RRAS2: variants seen among roughly 807,000 people sequenced by gnomAD.
The protein encoded by RRAS2 is ras-related protein R-Ras2.
RRAS2 carries 7 observed loss-of-function variants against 27.6 expected under a neutral mutation model. The ratio of observed to expected loss-of-function variants is 0.25; its 90% CI spans 0.14 to 0.48. The LOEUF is 0.48. RRAS2 is among the 20% of genes least tolerant of loss of function. RRAS2 has a pLI of 0.99. For missense variants in RRAS2, 178 were observed against 256.2 expected (o/e 0.69, Z 2.08); for synonymous variants, 86 against 90.9 (o/e 0.95, Z 0.31).
intron 1 of RRAS2, among the ~76,000 whole-genome samples, chr11:14,333,654 CTT>C (rs34065159): frequency 6.9e-6 from 1 of 144,432 alleles, no homozygotes. Flanking sequence ...CACCCTGCCC[CTT>C]TTTTTTTGGA....
chr11:14,331,457 A>G (rs572472537), intron 1 of RRAS2, among the ~76,000 whole-genome samples: 1 of 152,288 alleles, frequency 6.6e-6, no homozygotes, highest in African/African-American at 2.4e-5. Context: ...TTATCCAAAA[A>G]ATTTTAAAAC....
intron 1 of RRAS2, among the ~76,000 whole-genome samples, chr11:14,334,760 T>C (rs1261605325): frequency 2.0e-5 from 3 of 152,096 alleles, no homozygotes; most frequent in African/African-American, 4.8e-5. Flanking sequence ...TCAAATCTCC[T>C]CCAACCTTCT....
At chr11:14,337,884 G>C (rs1170405528) in intron 1 of RRAS2, among the ~76,000 whole-genome samples, 1 of 151,992 alleles carries the variant, frequency 6.6e-6, no homozygotes, top group Non-Finnish European at 1.5e-5. Context: ...TTGCCAGAAG[G>C]GCCACCCTAA....
intron 1 of RRAS2, among the ~76,000 whole-genome samples, chr11:14,307,342 C>CG (rs1372339100): frequency 7.3e-5 from 11 of 151,388 alleles, no homozygotes; most frequent in East Asian, 3.9e-4. Flanking sequence ...CTAAAATGTA[C>CG]GGGGGGAAAT....
At chr11:14,334,087 C>T (rs1183528805) in intron 1 of RRAS2, among the ~76,000 whole-genome samples, 1 of 152,156 alleles carries the variant, frequency 6.6e-6, no homozygotes, top group Non-Finnish European at 1.5e-5. Flanking sequence ...TAGGAAATTA[C>T]TTCATCAGAA....
At chr11:14,351,141 T>A (rs1848941915) in intron 1 of RRAS2, among the ~76,000 whole-genome samples, 1 of 152,088 alleles carries the variant, frequency 6.6e-6, no homozygotes, top group South Asian at 2.1e-4. Context: ...CCCCAAAAAA[T>A]GCATAACCTG....
chr11:14,290,625 T>C (rs1554945708), intron 4 of RRAS2, among the ~76,000 whole-genome samples: 2 of 152,000 alleles, frequency 1.3e-5, no homozygotes, highest in South Asian at 4.2e-4. Context: ...CAAAGGACAC[T>C]GGGGAGGCTG....
intron 1 of RRAS2, among the ~76,000 whole-genome samples, chr11:14,323,313 C>T (rs1591471655): frequency 6.6e-6 from 1 of 151,990 alleles, no homozygotes; most frequent in Middle Eastern, 3.4e-3. Context: ...AAAAACTAGG[C>T]CAAGCATAGC....
intron 1 of RRAS2, among the ~76,000 whole-genome samples, chr11:14,323,428 G>A (rs1056156336): frequency 1.3e-4 from 19 of 151,482 alleles, no homozygotes; most frequent in East Asian, 1.9e-4. Context: ...ACTGCACTCC[G>A]ACCTGGGTGA....
At chr11:14,290,434 G>A (rs1849780587) in intron 4 of RRAS2, among the ~76,000 whole-genome samples, 1 of 152,108 alleles carries the variant, frequency 6.6e-6, no homozygotes. Context: ...GGGAGACAAA[G>A]CAAGACCCGT....
chr11:14,292,190 T>C (rs568914950), intron 4 of RRAS2, among the ~76,000 whole-genome samples: 1 of 152,118 alleles, frequency 6.6e-6, no homozygotes, highest in Non-Finnish European at 1.5e-5. Context: ...ATAACTCATA[T>C]AGACCCAAGC....
At chr11:14,354,698 CAAG>C (rs1849035581) in intron 1 of RRAS2, among the ~76,000 whole-genome samples, 1 of 88,610 alleles carries the variant, frequency 1.1e-5, no homozygotes. Context: ...TTTTTTGAGA[CAAG>C]AGTCTCACTC....
chr11:14,294,923 G>T, intron 2 of RRAS2, 61 bp from the exon 3 acceptor site: 1 of 1,425,088 alleles, frequency 7.0e-7, no homozygotes. Context: ...CCCCACAAGG[G>T]CAAGACCAAT....
At chr11:14,341,799 C>G (rs782373186) in intron 1 of RRAS2, 12 of 454,198 alleles carry the variant, frequency 2.6e-5, no homozygotes, top group Non-Finnish European at 4.0e-5. Context: ...AATATAAATA[C>G]GCATACTCAC....
Position 14,309,902 on chromosome 11 carries a change from A to G in RRAS2, c.109-14047T>C, listed in dbSNP as rs61883960. ...AGATGAATAAAATGTTCTGACTTTC[A>G]TATGAAAAGTAATACTGGCTGCAGT... On this transcript the variant is annotated intron_variant, in intron 1 of 5. Coordinates refer to ENST00000256196, the MANE Select transcript of RRAS2 (RefSeq NM_012250.6). Among the ~76,000 whole-genome samples the G allele has an allele frequency of 3.4e-3, 515 of 152,356 alleles. 3 individuals are homozygous for G. Among genetic ancestry groups the G allele is most frequent in the Non-Finnish European group, 4.9e-3 (335 of 68,042 alleles).
At chr11:14,340,123 G>A (rs1449330765) in intron 1 of RRAS2, among the ~76,000 whole-genome samples, 1 of 135,154 alleles carries the variant, frequency 7.4e-6, no homozygotes, top group Non-Finnish European at 1.6e-5. Context: ...GGGCAACAGA[G>A]TCTGTCCCTC....
At chr11:14,356,919 C>G in intron 1 of RRAS2, 3 of 370,188 alleles carry the variant, frequency 8.1e-6, no homozygotes, top group Non-Finnish European at 1.5e-5. Flanking sequence ...TCCAGAGTAG[C>G]TGGGACTACA....
intron 1 of RRAS2, among the ~76,000 whole-genome samples, chr11:14,330,099 A>T (rs550926365): frequency 2.3e-3 from 351 of 152,324 alleles, no homozygotes; most frequent in Non-Finnish European, 3.6e-3. Flanking sequence ...AAAGAAAATT[A>T]AAAAATATCC....
chr11:14,329,167 A>G (rs1848435916), intron 1 of RRAS2, among the ~76,000 whole-genome samples: 1 of 151,580 alleles, frequency 6.6e-6, no homozygotes, highest in South Asian at 2.1e-4. Context: ...CTGGAGTCCA[A>G]TGGCGCGATC....
Sources: gnomAD v4.1 joint callset for allele counts (sites outside exome capture counted in the v4.1 genomes callset) on GRCh38, gnomAD v4.1.1 for gene constraint, MANE v1.5 for transcripts, NCBI Gene and HGNC (gene_info 2026-07-23, HGNC 2026-07-21) for gene names.